TMEM270: variants seen among roughly 807,000 people sequenced by gnomAD.
TMEM270 encodes Williams-Beuren syndrome chromosome region 28.
In TMEM270, 30 loss-of-function variants were observed where a neutral mutation model predicts 29.9. That is an observed-to-expected ratio of 1.00 (90% CI 0.75 to 1.36). TMEM270 has a LOEUF of 1.36. TMEM270 is among the 40% of genes most tolerant of loss of function. The pLI is 0.00. For synonymous variants in TMEM270, 135 were observed against 139.8 expected, an observed-to-expected ratio of 0.97 and a Z score of 0.24; for missense variants, 313 against 307.1, an observed-to-expected ratio of 1.02 and a Z score of -0.14.
intron 1 of TMEM270, among the ~76,000 whole-genome samples, chr7:73,863,389 ATTC>A (rs1788828065): frequency 6.7e-6 from 1 of 148,306 alleles, no homozygotes; most frequent in South Asian, 2.1e-4. Context: ...GAAATCTGGA[ATTC>A]TTTTTTTTTT....
Position 73,865,011 on chromosome 7 carries a change from C to T in TMEM270, c.91C>T (p.His31Tyr), listed in dbSNP as rs1240770909. 2.0e-6 allele frequency: 3 copies of T among 1,504,316 alleles called. No homozygotes were observed. Among genetic ancestry groups the T allele is most frequent in the Non-Finnish European group, 2.7e-6 (3 of 1,125,290 alleles). 93.2% of individuals were successfully genotyped at this position (1,504,316 alleles called of 1,614,324 possible). ...LSVLLVQNRD[H>Y]LYNFLLLKIN... The stretch of plus-strand genomic sequence containing the variant: ...TCTGCAGTTGGTTCAGAACCGAGAT[C>T]ACCTCTATAATTTCCTGCTCCTCAA... Residue 31 changes from histidine (H) to tyrosine (Y), a missense_variant, in exon 2 of 3, where the codon CAC (histidine) becomes TAC (tyrosine). Transcript: ENST00000320531.
chr7:73,865,088 G>A lies in TMEM270; in HGVS notation c.168G>A (p.Gly56=). The A allele has an allele frequency of 6.4e-7, 1 of 1,562,562 alleles. No homozygotes were observed. The highest frequency in any genetic ancestry group is 8.7e-7 in the Non-Finnish European group (1 of 1,154,138). ...CAGGGCTGGCCCAGGAGGCCCGGGG[G>A]TCCTGTAACTGGCAGGCCCACCTAC... ...WVSGLAQEAR[G]SCNWQAHLPL... Residue 56 remains glycine (G), a synonymous_variant, in exon 2 of 3, where the codon GGG becomes GGA. Transcript: ENST00000320531.
Position 73,861,256 on chromosome 7 carries a change from T to G in TMEM270, c.62T>G (p.Leu21Arg). 3 of 1,606,794 alleles carry G rather than the reference T, an allele frequency of 1.9e-6. No homozygotes were observed. Among genetic ancestry groups the G allele is most frequent in the Non-Finnish European group, 2.6e-6 (3 of 1,174,562 alleles). Residue 21 changes from leucine to arginine, a missense_variant, in exon 1 of 3, where the codon CTC becomes CGC. By Grantham distance (102) the Leu-to-Arg change is moderately radical (BLOSUM62 -2). Coordinates refer to ENST00000320531, the MANE Select transcript of TMEM270 (RefSeq NM_182504.4). ...GGGATCCTGTTGCAGGTTACGAGGC[T>G]CTCAGTGCTGGTGAGTGGGGGCTGG... ...LLGILLQVTR[L>R]SVLLVQNRDH... is the part of the protein sequence containing the mutation.
Position 73,865,730 on chromosome 7 carries a change from T to G in TMEM270, c.655T>G (p.Phe219Val). The change falls in exon 3 of 3, where the codon TTT becomes GTT. Residue 219 changes from phenylalanine (F) to valine (V), a missense_variant. By Grantham distance (50) the Phe-to-Val change is conservative. Coordinates refer to ENST00000320531, the MANE Select transcript of TMEM270 (RefSeq NM_182504.4). ...GGCCTCCCACCTGCTGCAGGCTGCC[T>G]TTGAGCACACGACCCAGCTGGCCGA... ...CLASHLLQAA[F>V]EHTTQLAEAQ... 6.2e-7 allele frequency: 1 copy of G among 1,614,084 alleles called. No individual in the cohort carries two copies. The highest frequency in any genetic ancestry group is 8.5e-7 in the Non-Finnish European group (1 of 1,179,992).
intron 1 of TMEM270, chr7:73,861,569 C>T: frequency 1.9e-6 from 1 of 535,434 alleles, no homozygotes; most frequent in East Asian, 4.2e-5. Flanking sequence ...CCCCCCTCAG[C>T]CTCCAAGTAG....
rs528240299 is a variant in TMEM270, at chr7:73,865,040, C to T, written c.120C>T (p.Ile40=). 377 of 1,520,232 alleles carry T rather than the reference C, an allele frequency of 2.5e-4. 4 individuals are homozygous for T. In the South Asian group the frequency reaches 4.8e-3, roughly 20 times the overall value. 94.2% of individuals were successfully genotyped at this position (1,520,232 alleles called of 1,614,324 possible). A position where few individuals can be genotyped will look rare whatever the true frequency, so the allele number is the denominator to read the frequency against. Residue 40 remains isoleucine (I), a synonymous_variant, in exon 2 of 3, where the codon ATC becomes ATT. Coordinates refer to ENST00000320531, the MANE Select transcript of TMEM270 (RefSeq NM_182504.4). The part of the protein sequence containing the change: ...DHLYNFLLLK[I]NLFNHWVSGL... ...TCTATAATTTCCTGCTCCTCAAGAT[C>T]AACCTCTTCAACCACTGGGTGTCAG...
intron 1 of TMEM270, among the ~76,000 whole-genome samples, chr7:73,862,106 C>G (rs1788800373): frequency 6.6e-6 from 1 of 150,750 alleles, no homozygotes; most frequent in Admixed American, 6.6e-5. Flanking sequence ...TCATTCATCT[C>G]TCTCTCTTTT....
rs922161860 is a variant in TMEM270, at chr7:73,865,672, C to T, written c.597C>T (p.His199=). The T allele has an allele frequency of 6.2e-7, 1 of 1,614,108 alleles. No individual in the cohort carries two copies. The change falls in exon 3 of 3, where the codon CAC becomes CAT. Residue 199 remains histidine, a synonymous_variant. Transcript: ENST00000320531. The part of the protein sequence containing the change: ...VETMTALTSW[H]LAYLITWTTC... Reference sequence around the variant, plus strand: ...CTATGACTGCCCTCACCTCCTGGCACCTGGCCTATCTCATCACCTGGACCA... The same window carrying T: ...CTATGACTGCCCTCACCTCCTGGCATCTGGCCTATCTCATCACCTGGACCA...
In TMEM270 at chr7:73,861,202, C is replaced by G. The variant is rs1196484055; in HGVS notation, c.8C>G (p.Ala3Gly). Residue 3 changes from alanine to glycine, a missense_variant, in exon 1 of 3, where the codon GCC becomes GGC. Coordinates refer to ENST00000320531, the MANE Select transcript of TMEM270 (RefSeq NM_182504.4). Reference protein sequence around the residue: MEALPPVRSSLLG... With the variant: MEGLPPVRSSLLG... ...AGGTGGGGGAGGCCAGACATGGAGGCCCTTCCTCCAGTCAGATCCAGCCTT... is the reference window on the plus strand; with the variant it reads ...AGGTGGGGGAGGCCAGACATGGAGGGCCTTCCTCCAGTCAGATCCAGCCTT... 1.9e-6 allele frequency: 3 copies of G among 1,613,418 alleles called. No homozygotes were observed. Among genetic ancestry groups the G allele is most frequent in the Non-Finnish European group, 2.5e-6 (3 of 1,179,586 alleles).
At position 73,861,226 on chromosome 7, in the gene TMEM270, T is replaced by A. The variant is rs1043190342; in HGVS notation, c.32T>A (p.Leu11His). Residue 11 changes from leucine to histidine, a missense_variant, in exon 1 of 3, where the codon CTT becomes CAT. Coordinates refer to ENST00000320531, the MANE Select transcript of TMEM270 (RefSeq NM_182504.4). Reference protein sequence around the residue: MEALPPVRSSLLGILLQVTRL... With the variant: MEALPPVRSSHLGILLQVTRL... Reference sequence around the variant, plus strand: ...GCCCTTCCTCCAGTCAGATCCAGCCTTTTGGGGATCCTGTTGCAGGTTACG... The same window carrying A: ...GCCCTTCCTCCAGTCAGATCCAGCCATTTGGGGATCCTGTTGCAGGTTACG... 2 of 1,613,338 alleles carry A rather than the reference T, an allele frequency of 1.2e-6. No individual in the cohort carries two copies. Among genetic ancestry groups the A allele is most frequent in the African/African-American group, 2.7e-5 (2 of 74,920 alleles).
intron 1 of TMEM270, chr7:73,861,501 G>T (rs1357048388): frequency 7.8e-6 from 5 of 640,558 alleles, no homozygotes; most frequent in Admixed American, 2.1e-5. Flanking sequence ...CCAGCCTGGA[G>T]CGCAGTGGTG....
upstream of TMEM270, chr7:73,861,151 G>A: frequency 1.9e-6 from 3 of 1,603,886 alleles, no homozygotes; most frequent in Admixed American, 1.7e-5. Context: ...CATCTGTGAG[G>A]TCACCCTGCT....
chr7:73,862,273 A>G (rs918621592), intron 1 of TMEM270, among the ~76,000 whole-genome samples: 3 of 151,626 alleles, frequency 2.0e-5, no homozygotes, highest in South Asian at 2.1e-4. Context: ...CGCCCAGCTA[A>G]TTTTTTGTAT....
At chr7:73,862,101 C>A (rs1788800161) in intron 1 of TMEM270, among the ~76,000 whole-genome samples, 1 of 150,160 alleles carries the variant, frequency 6.7e-6, no homozygotes, top group Non-Finnish European at 1.5e-5. Context: ...CTGGCTCATT[C>A]ATCTCTCTCT....
Position 73,865,228 on chromosome 7 carries a change from G to T in TMEM270, c.308G>T (p.Trp103Leu). 6.2e-7 allele frequency: 1 copy of T among 1,613,686 alleles called. No individual in the cohort carries two copies. Among genetic ancestry groups the T allele is most frequent in the South Asian group, 1.1e-5 (1 of 91,084 alleles). The change falls in exon 2 of 3, where the codon TGG becomes TTG. Residue 103 changes from tryptophan (W) to leucine (L), a missense_variant. Trp to Leu is a moderately conservative substitution (Grantham distance 61). Coordinates refer to ENST00000320531, the MANE Select transcript of TMEM270 (RefSeq NM_182504.4). ...CCCAGGCTGATGTGGGCTGGCATGT[G>T]GGGCAGCACCAAGGGCCTGGGCCTG... ...QGPRLMWAGM[W>L]GSTKGLGLAL... is the part of the protein sequence containing the mutation.
chr7:73,861,777 G>A (rs1788791081), intron 1 of TMEM270, among the ~76,000 whole-genome samples: 1 of 151,416 alleles, frequency 6.6e-6, no homozygotes, highest in Non-Finnish European at 1.5e-5. Flanking sequence ...CACTCCTATG[G>A]GTGAATCATT....
chr7:73,864,665 G>A (rs1171290052), intron 1 of TMEM270, among the ~76,000 whole-genome samples: 1 of 151,640 alleles, frequency 6.6e-6, no homozygotes, highest in African/African-American at 2.4e-5. Flanking sequence ...CACTTTGGGA[G>A]GCTGAGGCGG....
At chr7:73,861,351 C>G (rs1466179980) in intron 1 of TMEM270, 85 bp downstream of exon 1, 4 of 1,331,956 alleles carry the variant, frequency 3.0e-6, no homozygotes, top group Non-Finnish European at 4.2e-6. Context: ...GGCCCAAGCC[C>G]TGCCTGTCCC....
In TMEM270 at chr7:73,865,697, AC is replaced by A. The variant is rs1373142714; in HGVS notation, c.624del (p.Cys209AlafsTer?). ...CCTGGCCTATCTCATCACCTGGACCACCTGCCTGGCCTCCCACCTGCTGCAG... is the reference window on the plus strand; with the variant it reads ...CCTGGCCTATCTCATCACCTGGACCACTGCCTGGCCTCCCACCTGCTGCAG... ...WHLAYLITWTTCLASHLLQAA... is the reference protein window; with the variant it reads ...WHLAYLITWTXCLASHLLQAA... On this transcript the variant is annotated frameshift_variant, in exon 3 of 3. Transcript: ENST00000320531. LOFTEE classifies it high-confidence loss of function. 16 of 1,613,834 alleles carry A rather than the reference AC, an allele frequency of 9.9e-6. No individual in the cohort carries two copies. The highest frequency in any genetic ancestry group is 9.3e-5 in the African/African-American group (7 of 74,948).
Sources: gnomAD v4.1 joint callset for allele counts (sites outside exome capture counted in the v4.1 genomes callset) on GRCh38, gnomAD v4.1.1 for gene constraint, MANE v1.5 for transcripts, NCBI Gene and HGNC (gene_info 2026-07-23, HGNC 2026-07-21) for gene names.